RABGAP1L: variants seen among roughly 807,000 people sequenced by gnomAD.
RABGAP1L encodes rab GTPase-activating protein 1-like.
RABGAP1L carries 63 observed loss-of-function variants against 137.7 expected under a neutral mutation model. That is an observed-to-expected ratio of 0.46 (90% confidence interval 0.37 to 0.56). The LOEUF (loss-of-function observed/expected upper bound fraction) is 0.56. Ranked by LOEUF, RABGAP1L falls within the 20% of genes least tolerant of loss-of-function variation. The pLI, the probability that RABGAP1L is intolerant of heterozygous loss-of-function variation, is 0.00. For missense variants in RABGAP1L, 1,095 were observed against 1,244.0 expected, an observed-to-expected ratio of 0.88 and a Z score of 1.80; for synonymous variants, 431 against 433.7, an observed-to-expected ratio of 0.99 and a Z score of 0.08.
At chr1:174,280,179 G>GT (rs961639849) in intron 10 of RABGAP1L, among the ~76,000 whole-genome samples, 3 of 152,030 alleles carry the variant, frequency 2.0e-5, no homozygotes, top group Non-Finnish European at 4.4e-5. Flanking sequence ...ATATGCTGCT[G>GT]TAAGGCCAGA....
intron 11 of RABGAP1L, among the ~76,000 whole-genome samples, chr1:174,341,028 T>C (rs970422040): frequency 6.6e-6 from 1 of 152,222 alleles, no homozygotes; most frequent in Non-Finnish European, 1.5e-5. Context: ...ATGTTGATTT[T>C]TTTTTTCATG....
At chr1:174,207,669 A>G (rs1029525643) in intron 1 of RABGAP1L, among the ~76,000 whole-genome samples, 14 of 152,182 alleles carry the variant, frequency 9.2e-5, no homozygotes, top group Non-Finnish European at 1.6e-4. Context: ...GTGTGTGTAG[A>G]TACTGTCCTG....
At chr1:174,192,231 A>G (rs911163846) in intron 1 of RABGAP1L, among the ~76,000 whole-genome samples, 9 of 151,602 alleles carry the variant, frequency 5.9e-5, no homozygotes, top group Admixed American at 2.6e-4. Flanking sequence ...TTGATCTCAA[A>G]CCTTGATTAT....
chr1:174,814,990 A>G (rs1690240206), intron 19 of RABGAP1L, among the ~76,000 whole-genome samples: 1 of 151,872 alleles, frequency 6.6e-6, no homozygotes, highest in Non-Finnish European at 1.5e-5. Flanking sequence ...TGCCCAACCT[A>G]TTGTATTGTA....
intron 7 of RABGAP1L, among the ~76,000 whole-genome samples, chr1:174,267,325 G>C (rs78347764): frequency 6.6e-6 from 1 of 152,176 alleles, no homozygotes; most frequent in Non-Finnish European, 1.5e-5. Context: ...CGCTATAGAA[G>C]TAACTTTGAA....
At chr1:174,750,188 A>G (rs953581356) in intron 17 of RABGAP1L, among the ~76,000 whole-genome samples, 4 of 152,090 alleles carry the variant, frequency 2.6e-5, no homozygotes. Flanking sequence ...CTGCTATGTG[A>G]TGCTATACTT....
chr1:174,586,192 C>T lies in RABGAP1L; in HGVS notation c.1711-51183C>T, dbSNP rs965601283. ...ATATACACCATTGAATACTATGCAGCCATAAAAAGGAATGAGATCATGTCC... is the reference window on the plus strand; with the variant it reads ...ATATACACCATTGAATACTATGCAGTCATAAAAAGGAATGAGATCATGTCC... On this transcript the variant is annotated intron_variant, in intron 13 of 25. Coordinates refer to ENST00000681986, the MANE Select transcript of RABGAP1L (RefSeq NM_001366446.1). Among the ~76,000 whole-genome samples, 9 of 152,212 alleles carry T rather than the reference C, an allele frequency of 5.9e-5. No individual in the cohort carries two copies. In the South Asian group the frequency reaches 1.7e-3, roughly 28 times the overall value.
At chr1:174,928,813 G>A (rs773756241) in intron 19 of RABGAP1L, among the ~76,000 whole-genome samples, 1 of 152,130 alleles carries the variant, frequency 6.6e-6, no homozygotes, top group Non-Finnish European at 1.5e-5. Flanking sequence ...CTCAGTGCTA[G>A]TGCTGGGAAC....
At chr1:174,388,797 A>G (rs892097403) in intron 12 of RABGAP1L, among the ~76,000 whole-genome samples, 1 of 152,118 alleles carries the variant, frequency 6.6e-6, no homozygotes, top group Non-Finnish European at 1.5e-5. Context: ...AAAAAGACTA[A>G]GTGAACATTG....
chr1:174,669,513 T>G (rs746634129), intron 14 of RABGAP1L, among the ~76,000 whole-genome samples: 2 of 152,230 alleles, frequency 1.3e-5, no homozygotes, highest in Non-Finnish European at 2.9e-5. Flanking sequence ...CTATTTTTAC[T>G]TTTGTTGTCT....
At chr1:174,947,458 C>G (rs1253809016) in intron 19 of RABGAP1L, among the ~76,000 whole-genome samples, 5 of 151,932 alleles carry the variant, frequency 3.3e-5, no homozygotes, top group Non-Finnish European at 5.9e-5. Context: ...GCTCCTGTCA[C>G]CCAGGCTGGA....
chr1:174,727,454 G>A lies in RABGAP1L; in HGVS notation c.2170-24859G>A, dbSNP rs75621255. On this transcript the variant is annotated intron_variant, in intron 17 of 25. Transcript: ENST00000681986. ...CACATCTAACTTTTACTTAAGCATT[G>A]CTGATACTGCCCCCACAGAATGCCT... Among the ~76,000 whole-genome samples the A allele has an allele frequency of 9.3e-4, 141 of 152,280 alleles. No individual in the cohort carries two copies. The East Asian group carries it at 0.023, about 24-fold the overall frequency.
chr1:174,223,125 G>A (rs1338034476), intron 3 of RABGAP1L, among the ~76,000 whole-genome samples: 1 of 151,804 alleles, frequency 6.6e-6, no homozygotes, highest in Non-Finnish European at 1.5e-5. Context: ...AAAATTAACT[G>A]GGTGTGGCAG....
At chr1:174,404,777 A>G (rs1372650370) in intron 13 of RABGAP1L, among the ~76,000 whole-genome samples, 2 of 152,220 alleles carry the variant, frequency 1.3e-5, no homozygotes, top group African/African-American at 2.4e-5. Context: ...AACTCCAGAG[A>G]GCATTTGTTT....
intron 19 of RABGAP1L, among the ~76,000 whole-genome samples, chr1:174,849,423 T>C (rs1201470548): frequency 1.3e-5 from 2 of 152,144 alleles, no homozygotes; most frequent in Admixed American, 6.5e-5. Context: ...GCTCTTTTAC[T>C]TATAATAAAG....
At chr1:174,344,318 T>G (rs774847111) in intron 11 of RABGAP1L, among the ~76,000 whole-genome samples, 2 of 152,206 alleles carry the variant, frequency 1.3e-5, no homozygotes, top group African/African-American at 2.4e-5. Flanking sequence ...TGTCAGCATT[T>G]TACATCTGTT....
chr1:174,550,995 T>TACAC (rs202232006), intron 13 of RABGAP1L, among the ~76,000 whole-genome samples: 9,658 of 64,274 alleles, frequency 0.15, 715 homozygotes, highest in Middle Eastern at 0.25. Context: ...TATATATATA[T>TACAC]ACACATATAT....
intron 13 of RABGAP1L, among the ~76,000 whole-genome samples, chr1:174,550,885 TATATATATATACACACACAC>T (rs1666392632): frequency 1.8e-5 from 1 of 54,298 alleles, no homozygotes; most frequent in Non-Finnish European, 3.3e-5. Context: ...TATATATATA[TATATATATATACACACACAC>T]ATATACACAC....
intron 19 of RABGAP1L, among the ~76,000 whole-genome samples, chr1:174,942,515 G>A (rs193249416): frequency 6.6e-6 from 1 of 152,192 alleles, no homozygotes; most frequent in Non-Finnish European, 1.5e-5. Flanking sequence ...GACTGCCTGG[G>A]TTCAAATTAA....
Sources: gnomAD v4.1 joint callset for allele counts (sites outside exome capture counted in the v4.1 genomes callset) on GRCh38, gnomAD v4.1.1 for gene constraint, MANE v1.5 for transcripts, NCBI Gene and HGNC (gene_info 2026-07-23, HGNC 2026-07-21) for gene names.